Variants in CCDC171 observed in about 807,000 individuals in gnomAD.
CCDC171 encodes coiled-coil domain containing 171, also known as coiled-coil domain-containing protein 171.
In CCDC171, 177 loss-of-function variants were observed where a neutral mutation model predicts 168.2. That is an observed-to-expected ratio of 1.05 (90% CI 0.93 to 1.19). The LOEUF is 1.19. CCDC171 is among the 50% of genes most tolerant of loss of function. CCDC171 has a pLI of 0.00. For missense variants in CCDC171, 1,991 were observed against 1,539.0 expected, an observed-to-expected ratio of 1.29 and a Z score of -4.91; for synonymous variants, 687 against 540.8, an observed-to-expected ratio of 1.27 and a Z score of -3.75.
intron 18 of CCDC171, among the ~76,000 whole-genome samples, chr9:15,774,044 A>T (rs2057160207): frequency 6.6e-6 from 1 of 152,018 alleles, no homozygotes. Flanking sequence ...TCAGGATTTC[A>T]AGACCAGTCT....
At chr9:15,946,980 T>G (rs1006973184) in intron 25 of CCDC171, among the ~76,000 whole-genome samples, 2 of 152,014 alleles carry the variant, frequency 1.3e-5, no homozygotes, top group Non-Finnish European at 2.9e-5. Context: ...CAATTAGCAT[T>G]TTAATCTGTC....
In CCDC171 at chr9:15,751,178, A is replaced by G. The variant is rs563727840; in HGVS notation, c.2671+5547A>G. Among the ~76,000 whole-genome samples the G allele has an allele frequency of 2.2e-4, 33 of 152,286 alleles. No homozygotes were observed. In the Middle Eastern group the frequency reaches 0.014, roughly 63 times the overall value. ...CATGAGTGATCTCCCATGCACTTCC[A>G]GTTGCTACAAAGAGAATAAAATACC... is the stretch of plus-strand genomic sequence containing the variant. On this transcript the variant is annotated intron_variant, in intron 18 of 25. Transcript: ENST00000380701.
intron 14 of CCDC171, among the ~76,000 whole-genome samples, chr9:15,726,949 C>G (rs2053846663): frequency 6.6e-6 from 1 of 152,056 alleles, no homozygotes; most frequent in South Asian, 2.1e-4. Context: ...ATAAAGAGAG[C>G]TATTTGACAT....
intron 25 of CCDC171, among the ~76,000 whole-genome samples, chr9:15,929,181 T>A (rs953108535): frequency 6.6e-6 from 1 of 151,722 alleles, no homozygotes; most frequent in Admixed American, 6.6e-5. Flanking sequence ...AATTAAAATT[T>A]CAAAGTGATC....
intron 11 of CCDC171, among the ~76,000 whole-genome samples, chr9:15,702,649 A>C (rs2051850015): frequency 6.6e-6 from 1 of 152,168 alleles, no homozygotes; most frequent in Non-Finnish European, 1.5e-5. Flanking sequence ...ATTTTGCAAC[A>C]AAAGACTGTT....
intron 24 of CCDC171, among the ~76,000 whole-genome samples, chr9:15,901,880 G>A (rs1024902351): frequency 6.6e-6 from 1 of 152,076 alleles, no homozygotes; most frequent in African/African-American, 2.4e-5. Context: ...ATTTTACATA[G>A]TACAGTCTTT....
At chr9:15,740,435 T>G (rs962089367) in intron 16 of CCDC171, among the ~76,000 whole-genome samples, 1 of 150,206 alleles carries the variant, frequency 6.7e-6, no homozygotes. Context: ...AGGTTTTTGT[T>G]TGTGTGTGTG....
intron 25 of CCDC171, among the ~76,000 whole-genome samples, chr9:15,963,345 CTTAAAG>C (rs1045892206): frequency 2.0e-5 from 3 of 151,838 alleles, no homozygotes; most frequent in African/African-American, 7.3e-5. Context: ...AAAAATCACT[CTTAAAG>C]TTAAAAAAAA....
At chr9:15,952,781 C>A (rs1032487662) in intron 25 of CCDC171, among the ~76,000 whole-genome samples, 1 of 152,144 alleles carries the variant, frequency 6.6e-6, no homozygotes, top group African/African-American at 2.4e-5. Flanking sequence ...GTGGTATTGA[C>A]ATCTTAAGAA....
At chr9:15,641,589 C>T (rs762433549) in intron 7 of CCDC171, among the ~76,000 whole-genome samples, 5 of 152,074 alleles carry the variant, frequency 3.3e-5, no homozygotes, top group Non-Finnish European at 7.4e-5. Flanking sequence ...TCAGCTCATT[C>T]CTGGTTTATA....
At chr9:15,735,539 T>C (rs1255653261) in intron 16 of CCDC171, among the ~76,000 whole-genome samples, 2 of 152,228 alleles carry the variant, frequency 1.3e-5, no homozygotes, top group Admixed American at 1.3e-4. Context: ...GAGTTTAGAA[T>C]GGAGAACAAA....
intron 25 of CCDC171, among the ~76,000 whole-genome samples, chr9:15,951,522 T>TTTTGTTTG (rs71304891): frequency 7.9e-5 from 12 of 151,308 alleles, no homozygotes; most frequent in East Asian, 2.0e-4. Flanking sequence ...ATTATCTGTT[T>TTTTGTTTG]TTTGTTTGTT....
At chr9:15,855,398 T>C in intron 23 of CCDC171, among the ~76,000 whole-genome samples, 1 of 151,912 alleles carries the variant, frequency 6.6e-6, no homozygotes, top group East Asian at 1.9e-4. Context: ...GTGGGCTATC[T>C]TTTTCTGTCT....
intron 10 of CCDC171, among the ~76,000 whole-genome samples, chr9:15,681,793 G>T (rs1387269536): frequency 1.3e-5 from 2 of 151,930 alleles, no homozygotes; most frequent in Non-Finnish European, 2.9e-5. Context: ...GCTGTTATTT[G>T]TGCTTTCAAT....
intron 21 of CCDC171, among the ~76,000 whole-genome samples, chr9:15,806,887 G>T (rs554575076): frequency 1.3e-5 from 2 of 152,124 alleles, no homozygotes; most frequent in African/African-American, 4.8e-5. Context: ...GCTTCTTTAC[G>T]TAATCCCATG....
At chr9:15,717,009 C>A (rs2053133344) in intron 11 of CCDC171, among the ~76,000 whole-genome samples, 2 of 152,294 alleles carry the variant, frequency 1.3e-5, no homozygotes, top group South Asian at 2.1e-4. Flanking sequence ...CAAAAAAAAC[C>A]ACCTTCATAA....
intron 7 of CCDC171, 62 bp downstream of exon 7, chr9:15,623,475 G>GCACACACA (rs1554714957): frequency 0.11 from 35,512 of 312,618 alleles, 1,449 homozygotes; most frequent in Non-Finnish European, 0.14. Flanking sequence ...GCGCGCGCGC[G>GCACACACA]CACACACACA....
intron 10 of CCDC171, among the ~76,000 whole-genome samples, chr9:15,693,638 C>T (rs1259412281): frequency 6.6e-6 from 1 of 152,118 alleles, no homozygotes; most frequent in Non-Finnish European, 1.5e-5. Flanking sequence ...AACAGTTTTT[C>T]TGGGGAAGTG....
At chr9:15,860,742 C>T (rs528284660) in intron 23 of CCDC171, among the ~76,000 whole-genome samples, 5 of 151,912 alleles carry the variant, frequency 3.3e-5, no homozygotes, top group African/African-American at 1.2e-4. Context: ...TATACTGGAA[C>T]GGTCTACGTA....
Sources: gnomAD v4.1 joint callset for allele counts (sites outside exome capture counted in the v4.1 genomes callset) on GRCh38, gnomAD v4.1.1 for gene constraint, MANE v1.5 for transcripts, NCBI Gene and HGNC (gene_info 2026-07-23, HGNC 2026-07-21) for gene names.